The following NABP2 variants were observed in gnomAD, a reference collection of about 807,000 sequenced individuals.
NABP2 encodes SOSS complex subunit B1.
A neutral mutation model predicts 22.7 loss-of-function variants in NABP2; 7 were observed. The observed-to-expected ratio is 0.31, with a 90% CI of 0.18 to 0.58. NABP2 has a LOEUF of 0.58. Ranked by LOEUF, NABP2 falls within the 20% of genes least tolerant of loss-of-function variation. NABP2 has a pLI of 0.89. For synonymous variants in NABP2, 107 were observed against 99.2 expected (o/e 1.08, Z -0.47); for missense variants, 188 against 265.9 (o/e 0.71, Z 2.04).
At chr12:56,223,825 T>C (rs1807918197), upstream of NABP2, 1 of 152,234 alleles carries the variant, frequency 6.6e-6, no homozygotes, top group Non-Finnish European at 1.5e-5. Flanking sequence ...TTGTCTTTTT[T>C]TCCCTTTTTG....
In NABP2 at chr12:56,225,461, CGATGTTGGCAATCT is replaced by C; in HGVS notation, c.172_185del (p.Val58ProfsTer29). On this transcript the variant is annotated frameshift_variant, in exon 3 of 7. Coordinates refer to ENST00000267023, the MANE Select transcript of NABP2 (RefSeq NM_024068.4). LOFTEE classifies it high-confidence loss of function. Reference sequence around the variant, plus strand: ...GCAGCATCAATATCTCTGTCTGGGACGATGTTGGCAATCTGATCCAGCCTGGGGACATTATCCGG... The same window carrying C: ...GCAGCATCAATATCTCTGTCTGGGACGATCCAGCCTGGGGACATTATCCGG... The C allele has an allele frequency of 6.2e-7, 1 of 1,614,168 alleles. No homozygotes were observed. Among genetic ancestry groups the C allele is most frequent in the Non-Finnish European group, 8.5e-7 (1 of 1,180,048 alleles).
At chr12:56,225,308 C>T in intron 2 of NABP2, 65 bp from the exon 3 acceptor site, 2 of 1,599,110 alleles carry the variant, frequency 1.3e-6, no homozygotes, top group Non-Finnish European at 1.7e-6. Context: ...ACATCTCATC[C>T]TTCTGAGAGA....
chr12:56,224,323 G>C, upstream of NABP2: 1 of 987,254 alleles, frequency 1.0e-6, no homozygotes, highest in Non-Finnish European at 1.2e-6. Flanking sequence ...CCAGCCGGGG[G>C]AAACTTCCGG....
At position 56,229,019 on chromosome 12, in the gene NABP2, G is replaced by A; in HGVS notation, c.442G>A (p.Glu148Lys). The change falls in exon 7 of 7, where the codon GAG becomes AAG. Residue 148 changes from glutamate to lysine, a missense_variant. By Grantham distance (56) the Glu-to-Lys change is moderately conservative (BLOSUM62 1). Transcript: ENST00000267023. Reference protein sequence around the residue: ...TGPSAASPASENQNGNGLSAP... With the variant: ...TGPSAASPASKNQNGNGLSAP... ...TCTTCTCCTCCCACAATTAGCCTCT[G>A]AGAACCAGAATGGGAATGGACTGAG... The A allele has an allele frequency of 6.2e-7, 1 of 1,612,530 alleles. No individual in the cohort carries two copies.
chr12:56,227,412 A>G lies in NABP2; in HGVS notation c.436+993A>G, dbSNP rs185873385. On this transcript the variant is annotated intron_variant, in intron 6 of 6. Transcript: ENST00000267023. Reference sequence around the variant, plus strand: ...AAAGAACCACTAGGCTATAACTTCCATGCCATTTAGGGTTCATAGTCCCTA... The same window carrying G: ...AAAGAACCACTAGGCTATAACTTCCGTGCCATTTAGGGTTCATAGTCCCTA... Among the ~76,000 whole-genome samples the G allele has an allele frequency of 4.0e-5, 6 of 151,664 alleles. No homozygotes were observed. In the East Asian group the frequency reaches 1.2e-3, roughly 29 times the overall value.
chr12:56,228,936 G>C (rs1294447020), intron 6 of NABP2, 78 bp from the exon 7 acceptor site: 20 of 1,330,896 alleles, frequency 1.5e-5, no homozygotes, highest in Non-Finnish European at 1.9e-5. Flanking sequence ...CCACTCTTTG[G>C]GGCATGGAGA....
In NABP2 at chr12:56,229,741, A is replaced by AAAAGAAAGAAAG. The variant is rs60369016; in HGVS notation, c.*548_*559dup. The AAAAGAAAGAAAG allele has an allele frequency of 4.0e-5, 6 of 150,396 alleles. No individual in the cohort carries two copies. The East Asian group carries it at 5.9e-4, about 15-fold the overall frequency. The allele number at this position is 150,396 out of a possible 1,614,324, so 9.3% of individuals were successfully genotyped here. On this transcript the variant is annotated 3_prime_UTR_variant, in exon 7 of 7. Coordinates refer to ENST00000267023, the MANE Select transcript of NABP2 (RefSeq NM_024068.4). ...AAGAGCGAAACTCCATCTCAAAAAAAAAAGAAAGAAAGAAAGAAAGAAAGA... is the reference window on the plus strand; with the variant it reads ...AAGAGCGAAACTCCATCTCAAAAAAAAAAGAAAGAAAGAAAGAAAGAAAGAAAGAAAGAAAGA...
At position 56,228,959 on chromosome 12, in the gene NABP2, T is replaced by A. The variant is rs1364842436; in HGVS notation, c.437-55T>A. 4 of 1,510,470 alleles carry A rather than the reference T, an allele frequency of 2.6e-6. No homozygotes were observed. In the East Asian group the frequency reaches 9.6e-5, roughly 36 times the overall value. 93.6% of individuals were successfully genotyped at this position (1,510,470 alleles called of 1,614,324 possible). On this transcript the variant is annotated intron_variant, in intron 6 of 6. Transcript: ENST00000267023. Reference sequence around the variant, plus strand: ...TGGGGCATGGAGACAGGCCTTGGGATGGACCCCTCTCCTATGTTAACTAAT... The same window carrying A: ...TGGGGCATGGAGACAGGCCTTGGGAAGGACCCCTCTCCTATGTTAACTAAT...
chr12:56,226,321 G>A, intron 5 of NABP2, 35 bp from the exon 6 acceptor site: 1 of 1,613,888 alleles, frequency 6.2e-7, no homozygotes, highest in Non-Finnish European at 8.5e-7. Flanking sequence ...AGCATGGGAG[G>A]GAGCAGGATC....
chr12:56,225,633 A>T lies in NABP2; in HGVS notation c.228A>T (p.Ser76=). 1 of 1,614,148 alleles carries T rather than the reference A, an allele frequency of 6.2e-7. No individual in the cohort carries two copies. The highest frequency in any genetic ancestry group is 8.5e-7 in the Non-Finnish European group (1 of 1,180,030). The stretch of plus-strand genomic sequence containing the variant: ...TTTTTGCCTCCCATAGGTACGCTTC[A>T]GTTTTCAAAGGTTGTCTGACACTAT... ...DIIRLTKGYA[S]VFKGCLTLYT... Residue 76 remains serine, a synonymous_variant, in exon 4 of 7, where the codon TCA becomes TCT. Coordinates refer to ENST00000267023, the MANE Select transcript of NABP2 (RefSeq NM_024068.4).
chr12:56,227,108 C>T (rs1030556988), intron 6 of NABP2, among the ~76,000 whole-genome samples: 1 of 151,170 alleles, frequency 6.6e-6, no homozygotes, highest in African/African-American at 2.4e-5. Context: ...GGCGCAGTGG[C>T]TCATGCCTAT....
chr12:56,228,176 G>T (rs1038270989), intron 6 of NABP2, among the ~76,000 whole-genome samples: 1 of 152,004 alleles, frequency 6.6e-6, no homozygotes, highest in Non-Finnish European at 1.5e-5. Context: ...TGGGCAACAA[G>T]AGCGAAACTC....
At chr12:56,227,004 G>A (rs1000092052) in intron 6 of NABP2, among the ~76,000 whole-genome samples, 2 of 151,284 alleles carry the variant, frequency 1.3e-5, no homozygotes, top group African/African-American at 2.4e-5. Flanking sequence ...GATTACAGGC[G>A]TGAGCCACCG....
At chr12:56,227,947 C>A (rs1039254697) in intron 6 of NABP2, among the ~76,000 whole-genome samples, 3 of 152,146 alleles carry the variant, frequency 2.0e-5, no homozygotes, top group Non-Finnish European at 4.4e-5. Context: ...AATCCCAGCA[C>A]TTTGGGAGGC....
chr12:56,228,200 T>A (rs550749383), intron 6 of NABP2, among the ~76,000 whole-genome samples: 5 of 152,070 alleles, frequency 3.3e-5, no homozygotes, highest in East Asian at 1.9e-4. Context: ...CTCAAAAAAA[T>A]AAATAAATAA....
intron 4 of NABP2, 131 bp from the exon 5 acceptor site, chr12:56,226,048 C>T (rs1047289031): frequency 3.2e-5 from 25 of 790,516 alleles, no homozygotes; most frequent in East Asian, 2.9e-4. Context: ...GTGATCCTCC[C>T]GCTTCTGCCT....
At chr12:56,223,999 G>A (rs1205661655), upstream of NABP2, among the ~76,000 whole-genome samples, 7 of 151,922 alleles carry the variant, frequency 4.6e-5, no homozygotes, top group Admixed American at 2.0e-4. Context: ...ATGAAGTGAA[G>A]CATTGAGCCA....
intron 1 of NABP2, 131 bp from the exon 2 acceptor site, chr12:56,224,703 T>A: frequency 1.1e-6 from 1 of 920,810 alleles, no homozygotes; most frequent in Non-Finnish European, 1.6e-6. Context: ...TGTTCTTTTT[T>A]AATCTTTTAG....
chr12:56,224,796 TCCAAGCATTGAGCCTTCATCC>T lies in NABP2; in HGVS notation c.-23-37_-23-17del, dbSNP rs1219409380. The T allele has an allele frequency of 6.4e-7, 1 of 1,563,982 alleles. No homozygotes were observed. The highest frequency in any genetic ancestry group is 2.2e-5 in the East Asian group (1 of 44,490). On this transcript the variant is annotated splice_polypyrimidine_tract_variant and intron_variant, in intron 1 of 6. Transcript: ENST00000267023. The stretch of plus-strand genomic sequence containing the variant: ...GGAAGTGGAGCATGGGGGCAAAGGA[TCCAAGCATTGAGCCTTCATCC>T]TCTATTCCCCATCCAGTGGGGTGCC...
Sources: gnomAD v4.1 joint callset for allele counts (sites outside exome capture counted in the v4.1 genomes callset) on GRCh38, gnomAD v4.1.1 for gene constraint, MANE v1.5 for transcripts, NCBI Gene and HGNC (gene_info 2026-07-23, HGNC 2026-07-21) for gene names.